The following DOCK1 variants were observed in gnomAD, a reference collection of about 807,000 sequenced individuals.
DOCK1 encodes dedicator of cytokinesis protein 1.
A neutral mutation model predicts 262.7 loss-of-function variants in DOCK1; 138 were observed. That is an observed-to-expected ratio of 0.53 (90% CI 0.46 to 0.61). The LOEUF (loss-of-function observed/expected upper bound fraction) is 0.61, where lower values mean the gene tolerates loss of function less well. Among genes scored for constraint, DOCK1 ranks in the 20% least tolerant of loss-of-function variants. DOCK1 has a pLI of 0.00. For missense variants in DOCK1, 1,908 were observed against 2,370.7 expected (o/e 0.80, Z 4.05); for synonymous variants, 866 against 867.4 (o/e 1.00, Z 0.03).
intron 29 of DOCK1, among the ~76,000 whole-genome samples, chr10:127,295,492 A>G (rs1379152824): frequency 3.3e-5 from 5 of 152,096 alleles, no homozygotes; most frequent in Admixed American, 6.5e-5. Context: ...GAGGGGACAA[A>G]ACGTCCAAAC....
intron 27 of DOCK1, among the ~76,000 whole-genome samples, chr10:127,141,099 T>A (rs1228553365): frequency 6.6e-6 from 1 of 152,226 alleles, no homozygotes; most frequent in Non-Finnish European, 1.5e-5. Flanking sequence ...CTTTCTGGGC[T>A]CATGGCATGG....
At chr10:127,318,500 A>G (rs1336965558) in intron 29 of DOCK1, among the ~76,000 whole-genome samples, 1 of 152,194 alleles carries the variant, frequency 6.6e-6, no homozygotes. Context: ...AGGCAGCAGC[A>G]TGTGCAAGGA....
At chr10:127,169,121 G>C (rs1254403544) in intron 27 of DOCK1, among the ~76,000 whole-genome samples, 2 of 152,158 alleles carry the variant, frequency 1.3e-5, no homozygotes, top group East Asian at 3.9e-4. Flanking sequence ...GCTGCTGGGA[G>C]AATGAGACCT....
At chr10:126,928,375 T>G (rs888905055) in intron 1 of DOCK1, among the ~76,000 whole-genome samples, 31 of 152,306 alleles carry the variant, frequency 2.0e-4, no homozygotes, top group African/African-American at 7.2e-4. Flanking sequence ...GCAGCCTGAC[T>G]CGTAAACTTG....
At chr10:127,054,492 C>T (rs7909186) in intron 22 of DOCK1, among the ~76,000 whole-genome samples, 95,643 of 152,072 alleles carry the variant, frequency 0.63, 30,817 homozygotes, top group South Asian at 0.72. Flanking sequence ...TGGATTGAAG[C>T]TTTCCCTCAA....
chr10:127,129,135 A>G (rs572994571), intron 27 of DOCK1, among the ~76,000 whole-genome samples: 1 of 152,058 alleles, frequency 6.6e-6, no homozygotes, highest in South Asian at 2.1e-4. Flanking sequence ...ACCACAGAGG[A>G]CTCCGTGTCG....
chr10:127,110,414 C>A, intron 25 of DOCK1, 60 bp downstream of exon 25: 1 of 1,464,540 alleles, frequency 6.8e-7, no homozygotes. Flanking sequence ...AAGACATTGA[C>A]CCTCTGAATT....
intron 27 of DOCK1, among the ~76,000 whole-genome samples, chr10:127,157,958 AGC>A (rs1436290273): frequency 6.6e-6 from 1 of 152,240 alleles, no homozygotes; most frequent in South Asian, 2.1e-4. Context: ...AATTTTATTA[AGC>A]ACGAGAGTGT....
intron 22 of DOCK1, among the ~76,000 whole-genome samples, chr10:127,056,794 T>C (rs980638654): frequency 3.9e-5 from 6 of 152,174 alleles, no homozygotes; most frequent in Admixed American, 1.3e-4. Flanking sequence ...TTCTTTGAGA[T>C]GTGGAGCACC....
chr10:127,189,952 A>G (rs1174224137), intron 27 of DOCK1, among the ~76,000 whole-genome samples: 1 of 152,242 alleles, frequency 6.6e-6, no homozygotes, highest in Non-Finnish European at 1.5e-5. Flanking sequence ...TAAGGCTGAG[A>G]GACAGACATC....
At chr10:127,428,944 G>A (rs1164205800) in intron 47 of DOCK1, among the ~76,000 whole-genome samples, 9 of 135,988 alleles carry the variant, frequency 6.6e-5, no homozygotes, top group Non-Finnish European at 1.5e-5. Flanking sequence ...TGTGCCGTGT[G>A]GATTGGGGTG....
At position 127,175,016 on chromosome 10, in the gene DOCK1, G is replaced by C. The variant is rs1043335525; in HGVS notation, c.2847+47252G>C. Among the ~76,000 whole-genome samples, 3 of 152,178 alleles carry C rather than the reference G, an allele frequency of 2.0e-5. No individual in the cohort carries two copies. The highest frequency in any genetic ancestry group is 2.9e-5 in the Non-Finnish European group (2 of 68,040). ...GAAAGATGAACATTAACCAGAAAGC[G>C]TATCGTGCAGGATGCAGTGACGTCT... On this transcript the variant is annotated intron_variant, in intron 27 of 51. Transcript: ENST00000623213. This position sits in a 1 kb window ranked among gnomAD's most constrained non-coding sequence, Gnocchi z 6.3.
intron 27 of DOCK1, among the ~76,000 whole-genome samples, chr10:127,159,962 TA>T (rs1454835101): frequency 6.6e-6 from 1 of 151,988 alleles, no homozygotes; most frequent in Non-Finnish European, 1.5e-5. Context: ...CCCTGGGTGT[TA>T]GGAAGGGTGT....
At chr10:127,300,229 A>G (rs914925791) in intron 29 of DOCK1, among the ~76,000 whole-genome samples, 1 of 152,182 alleles carries the variant, frequency 6.6e-6, no homozygotes, top group Non-Finnish European at 1.5e-5. Flanking sequence ...AGAGACCACC[A>G]TGCAAAGCAG....
intron 27 of DOCK1, chr10:127,146,206 A>G: frequency 3.4e-6 from 1 of 298,058 alleles, no homozygotes; most frequent in Non-Finnish European, 6.6e-6. Flanking sequence ...ACCTTGGGGT[A>G]TAACCAAAGG....
At chr10:127,233,821 G>T (rs1330337496) in intron 27 of DOCK1, among the ~76,000 whole-genome samples, 2 of 152,194 alleles carry the variant, frequency 1.3e-5, no homozygotes, top group Admixed American at 1.3e-4. Context: ...CATATAAGTT[G>T]TGTTTTGAAG....
chr10:127,261,673 CTGCATGTGTG>C (rs1320444589), intron 29 of DOCK1, among the ~76,000 whole-genome samples: 1 of 96,940 alleles, frequency 1.0e-5, no homozygotes, highest in East Asian at 3.5e-4. Context: ...GTGTGTGTAC[CTGCATGTGTG>C]TGCATGTGGG....
rs148090265 is a variant in DOCK1 at position 127,338,589 on chromosome 10, C to T, written c.3045-417C>T. ...TTGCAGCAACCTCTTCCAAGCCTGA[C>T]AGCTCCTTGCGAAGAGTGCTTTCAA... is the stretch of plus-strand genomic sequence containing the variant. On this transcript the variant is annotated intron_variant, in intron 29 of 51. Coordinates refer to ENST00000623213, the MANE Select transcript of DOCK1 (RefSeq NM_001290223.2). Among the ~76,000 whole-genome samples the T allele has an allele frequency of 2.4e-3, 372 of 152,340 alleles. 2 individuals are homozygous for T. The highest frequency in any genetic ancestry group is 6.8e-3 in the Middle Eastern group (2 of 294).
At chr10:127,359,467 C>T (rs368492556) in intron 32 of DOCK1, among the ~76,000 whole-genome samples, 1 of 152,176 alleles carries the variant, frequency 6.6e-6, no homozygotes, top group Admixed American at 6.5e-5. Flanking sequence ...ATGAACAACT[C>T]GCTGTCACCA....
Sources: allele counts gnomAD v4.1 joint callset (sites outside exome capture counted in the v4.1 genomes callset), GRCh38; gene constraint gnomAD v4.1.1; non-coding constraint Gnocchi (gnomAD v3.1); transcripts MANE v1.5; gene names NCBI Gene and HGNC (gene_info 2026-07-23, HGNC 2026-07-21).